Variants in USH2A observed in about 807,000 individuals in gnomAD.
The protein encoded by USH2A is usherin.
Under a neutral mutation model 538.9 loss-of-function variants are expected in USH2A, and 443 were observed. The ratio of observed to expected loss-of-function variants is 0.82; its 90% confidence interval spans 0.76 to 0.89. The LOEUF is 0.89. Ranked by LOEUF, USH2A falls within the 40% of genes least tolerant of loss-of-function variation. USH2A has a pLI of 0.00. For missense variants in USH2A, 6,633 were observed against 6,324.8 expected (o/e 1.05, Z -1.65); for synonymous variants, 2,413 against 2,273.5 (o/e 1.06, Z -1.75).
At chr1:216,284,653 A>T (rs552589876) in intron 11 of USH2A, among the ~76,000 whole-genome samples, 3 of 152,310 alleles carry the variant, frequency 2.0e-5, no homozygotes, top group Non-Finnish European at 4.4e-5. Flanking sequence ...GGTAACAGGC[A>T]GAGGCTGGAA....
chr1:215,895,935 C>G (rs6659289), intron 40 of USH2A, among the ~76,000 whole-genome samples: 22,502 of 152,100 alleles, frequency 0.15, 1,769 homozygotes, highest in African/African-American at 0.16. Flanking sequence ...GTACTGAATA[C>G]TGTAGGCATT....
intron 3 of USH2A, among the ~76,000 whole-genome samples, chr1:216,385,101 A>T (rs1282812873): frequency 1.3e-5 from 2 of 152,182 alleles, no homozygotes; most frequent in African/African-American, 4.8e-5. Flanking sequence ...GCAAAAATTG[A>T]TGCAAAAATT....
chr1:216,045,139 C>T (rs1018893063), intron 32 of USH2A, among the ~76,000 whole-genome samples: 1 of 152,094 alleles, frequency 6.6e-6, no homozygotes, highest in Non-Finnish European at 1.5e-5. Flanking sequence ...ATAATTCATC[C>T]TACCTCTGAC....
At chr1:216,404,646 G>T (rs1471421861) in intron 3 of USH2A, among the ~76,000 whole-genome samples, 1 of 119,036 alleles carries the variant, frequency 8.4e-6, no homozygotes, top group Non-Finnish European at 1.7e-5. Flanking sequence ...TTTTAAGACA[G>T]GGTCTCACTC....
At chr1:216,292,396 A>T (rs2037019732) in intron 9 of USH2A, 26 bp from the exon 10 acceptor site, 1 of 1,608,228 alleles carries the variant, frequency 6.2e-7, no homozygotes, top group African/African-American at 1.3e-5. Context: ...TCAGAACAGT[A>T]AAGAAAATAA....
intron 41 of USH2A, among the ~76,000 whole-genome samples, chr1:215,884,598 A>G (rs1665000479): frequency 2.0e-5 from 3 of 152,254 alleles, no homozygotes; most frequent in Admixed American, 2.0e-4. Flanking sequence ...TTTCTAGAAC[A>G]TAACATGAAC....
At chr1:216,246,165 CA>C (rs1472901130) in intron 13 of USH2A, among the ~76,000 whole-genome samples, 1 of 152,142 alleles carries the variant, frequency 6.6e-6, no homozygotes, top group Non-Finnish European at 1.5e-5. Context: ...GCCTCTTCAG[CA>C]AAAACATTTA....
At chr1:215,810,481 G>C (rs1662636235) in intron 49 of USH2A, among the ~76,000 whole-genome samples, 1 of 152,142 alleles carries the variant, frequency 6.6e-6, no homozygotes, top group Admixed American at 6.6e-5. Context: ...TTAAGGGACA[G>C]AGGATATTTT....
At chr1:216,261,692 C>T (rs1306227253) in intron 11 of USH2A, among the ~76,000 whole-genome samples, 3 of 152,064 alleles carry the variant, frequency 2.0e-5, no homozygotes, top group Non-Finnish European at 4.4e-5. Context: ...TGCCTATGCC[C>T]CTAAACTGAG....
intron 51 of USH2A, among the ~76,000 whole-genome samples, chr1:215,789,030 TG>T (rs1558098657): frequency 6.6e-6 from 1 of 152,152 alleles, no homozygotes; most frequent in East Asian, 1.9e-4. Flanking sequence ...GGGCCAGCTA[TG>T]TAAAAATCCC....
intron 41 of USH2A, among the ~76,000 whole-genome samples, chr1:215,882,807 T>C (rs1382936230): frequency 6.6e-6 from 1 of 152,208 alleles, no homozygotes; most frequent in Non-Finnish European, 1.5e-5. Context: ...ATAATATTCC[T>C]TTCATGGTTG....
chr1:215,639,572 G>A (rs1162556219), intron 68 of USH2A, among the ~76,000 whole-genome samples: 1 of 152,168 alleles, frequency 6.6e-6, no homozygotes, highest in Non-Finnish European at 1.5e-5. Flanking sequence ...ATTTACAGGT[G>A]TACTTTCCAC....
Position 216,422,395 on chromosome 1 carries a change from C to A in USH2A, c.-59G>T, listed in dbSNP as rs539639539. 1.9e-6 allele frequency: 3 copies of A among 1,608,816 alleles called. No homozygotes were observed. Among genetic ancestry groups the A allele is most frequent in the Non-Finnish European group, 2.5e-6 (3 of 1,177,780 alleles). ...ATTTCTAAATAAATAATCAGGCCCA[C>A]GCCACTTGCCAGCAATACTTTGAAG... On this transcript the variant is annotated 5_prime_UTR_variant, in exon 2 of 72. Coordinates refer to ENST00000307340, the MANE Select transcript of USH2A (RefSeq NM_206933.4).
At chr1:215,694,401 G>A (rs1480243939) in intron 61 of USH2A, among the ~76,000 whole-genome samples, 11 of 152,108 alleles carry the variant, frequency 7.2e-5, no homozygotes, top group Admixed American at 5.9e-4. Flanking sequence ...GTGAAACCCC[G>A]TTTCTACTAA....
At chr1:216,016,571 G>A (rs1336975689) in intron 32 of USH2A, among the ~76,000 whole-genome samples, 4 of 151,964 alleles carry the variant, frequency 2.6e-5, no homozygotes, top group East Asian at 1.9e-4. Context: ...CAACATATGC[G>A]TAGTTTGTAC....
intron 29 of USH2A, among the ~76,000 whole-genome samples, chr1:216,070,974 G>T (rs2031540299): frequency 6.6e-6 from 1 of 152,068 alleles, no homozygotes; most frequent in African/African-American, 2.4e-5. Context: ...TAAAAGAACT[G>T]CAAAACCTTA....
intron 53 of USH2A, 105 bp from the exon 54 acceptor site, chr1:215,782,301 T>C (rs893014708): frequency 2.5e-6 from 3 of 1,217,772 alleles, no homozygotes; most frequent in Non-Finnish European, 2.3e-6. Context: ...TACTATAGCT[T>C]TATTTAATTT....
intron 61 of USH2A, among the ~76,000 whole-genome samples, chr1:215,695,366 A>G (rs1658771327): frequency 6.6e-6 from 1 of 152,238 alleles, no homozygotes; most frequent in African/African-American, 2.4e-5. Flanking sequence ...AACACAAGGT[A>G]CATGGGTTTT....
At chr1:216,002,257 G>A (rs1436779) in intron 32 of USH2A, among the ~76,000 whole-genome samples, 143,949 of 152,208 alleles carry the variant, frequency 0.95, 68,098 homozygotes, top group East Asian at 1. Context: ...AACTCCTACC[G>A]ACAGGGCCAA....
Sources: gnomAD v4.1 joint callset for allele counts (sites outside exome capture counted in the v4.1 genomes callset) on GRCh38, gnomAD v4.1.1 for gene constraint, MANE v1.5 for transcripts, NCBI Gene and HGNC (gene_info 2026-07-23, HGNC 2026-07-21) for gene names.